Variants in BNC2 observed in about 807,000 individuals in gnomAD.
BNC2 encodes zinc finger protein basonuclin-2.
In BNC2, 20 loss-of-function variants were observed where a neutral mutation model predicts 76.3. The observed-to-expected ratio is 0.26, with a 90% confidence interval of 0.18 to 0.38. BNC2 has a LOEUF of 0.38. Among genes scored for constraint, BNC2 ranks in the 10% least tolerant of loss-of-function variants. The pLI is 1.00. For synonymous variants in BNC2, 582 were observed against 514.8 expected (o/e 1.13, Z -1.77); for missense variants, 1,382 against 1,399.8 (o/e 0.99, Z 0.20).
At chr9:16,734,373 T>C (rs1824602989) in intron 2 of BNC2, among the ~76,000 whole-genome samples, 1 of 152,246 alleles carries the variant, frequency 6.6e-6, no homozygotes, top group African/African-American at 2.4e-5. Context: ...CAAAGTGCTC[T>C]TAAGGGTCTT....
rs138380576 is a variant in BNC2 at position 16,654,673 on chromosome 9, T to C, written c.331-71588A>G. 3.7e-3 allele frequency among the ~76,000 whole-genome samples: 556 copies of C among 152,302 alleles called. 4 individuals are homozygous for C. Among genetic ancestry groups the C allele is most frequent in the African/African-American group, 0.013 (541 of 41,564 alleles). On this transcript the variant is annotated intron_variant, in intron 3 of 6. Transcript: ENST00000380672. ...GGTTGCTCAATTTGCTTTGGAACAATTTTATACTAGATCTGTTCTTTTTTA... is the reference window on the plus strand; with the variant it reads ...GGTTGCTCAATTTGCTTTGGAACAACTTTATACTAGATCTGTTCTTTTTTA...
Position 16,435,947 on chromosome 9 carries a change from A to T in BNC2, c.2247T>A (p.Ser749Arg). 1 of 1,613,848 alleles carries T rather than the reference A, an allele frequency of 6.2e-7. No individual in the cohort carries two copies. Among genetic ancestry groups the T allele is most frequent in the Non-Finnish European group, 8.5e-7 (1 of 1,179,962 alleles). Residue 749 changes from serine to arginine, a missense_variant, in exon 6 of 7, where the codon AGT (serine) becomes AGA (arginine). By Grantham distance (110) the Ser-to-Arg change is moderately radical. Coordinates refer to ENST00000380672, the MANE Select transcript of BNC2 (RefSeq NM_017637.6). ...EGDEHIHSEVSEKVLMNSERP... is the reference protein window; with the variant it reads ...EGDEHIHSEVREKVLMNSERP... ...TCTCACTATTCATCAGGACTTTTTC[A>T]CTCACTTCGCTGTGAATGTGCTCAT...
intron 5 of BNC2, among the ~76,000 whole-genome samples, chr9:16,489,423 A>C (rs1192023286): frequency 6.6e-6 from 1 of 152,226 alleles, no homozygotes; most frequent in Non-Finnish European, 1.5e-5. Context: ...TAAGAGTTTT[A>C]ACATGCAGCA....
chr9:16,486,860 G>A (rs1414659015), intron 5 of BNC2, among the ~76,000 whole-genome samples: 5 of 152,018 alleles, frequency 3.3e-5, no homozygotes, highest in Non-Finnish European at 5.9e-5. Context: ...TGAGGAGCTG[G>A]GACTACAGGC....
In BNC2 at chr9:16,645,348, C is replaced by G. The variant is rs546064301; in HGVS notation, c.331-62263G>C. ...CTTTATAAAAAATTATTATTTTCTGCCTTTTCACATGTTCTAAGACCCTTA... is the reference window on the plus strand; with the variant it reads ...CTTTATAAAAAATTATTATTTTCTGGCTTTTCACATGTTCTAAGACCCTTA... On this transcript the variant is annotated intron_variant, in intron 3 of 6. Transcript: ENST00000380672. Among the ~76,000 whole-genome samples the G allele has an allele frequency of 7.2e-5, 11 of 152,292 alleles. No homozygotes were observed. In the South Asian group the frequency reaches 2.3e-3, roughly 32 times the overall value.
chr9:16,516,218 T>C (rs1817419894), intron 5 of BNC2, among the ~76,000 whole-genome samples: 1 of 152,186 alleles, frequency 6.6e-6, no homozygotes, highest in African/African-American at 2.4e-5. Context: ...ATGCATTTTC[T>C]TTGTGTTGTT....
At chr9:16,646,483 G>C (rs1821629575) in intron 3 of BNC2, among the ~76,000 whole-genome samples, 2 of 152,116 alleles carry the variant, frequency 1.3e-5, no homozygotes, top group South Asian at 4.2e-4. Context: ...AACAAAAAAA[G>C]CCAGACACAA....
intron 1 of BNC2, among the ~76,000 whole-genome samples, chr9:16,835,775 A>G (rs561421493): frequency 6.6e-6 from 1 of 152,350 alleles, no homozygotes; most frequent in Admixed American, 6.5e-5. Flanking sequence ...CAGTTCTGGT[A>G]TCCTATTTTA....
At chr9:16,621,602 A>G (rs922427822) in intron 3 of BNC2, among the ~76,000 whole-genome samples, 3 of 152,182 alleles carry the variant, frequency 2.0e-5, no homozygotes, top group Non-Finnish European at 4.4e-5. Flanking sequence ...ATTAACCAAA[A>G]TAAGACTTTG....
intron 4 of BNC2, among the ~76,000 whole-genome samples, chr9:16,569,695 G>C (rs1819266489): frequency 6.6e-6 from 1 of 152,100 alleles, no homozygotes; most frequent in Non-Finnish European, 1.5e-5. Context: ...CCACTTTTGG[G>C]GGCATGCCTT....
At chr9:16,745,342 A>G (rs1314801392) in intron 1 of BNC2, among the ~76,000 whole-genome samples, 1 of 152,206 alleles carries the variant, frequency 6.6e-6, no homozygotes, top group East Asian at 1.9e-4. Flanking sequence ...ATTAATGACC[A>G]ACATGTAAAA....
rs34855187 is a variant in BNC2, at chr9:16,463,294, C to CTTTTTTTT, written c.670-25778_670-25771dup. 2.4e-3 allele frequency among the ~76,000 whole-genome samples: 255 copies of CTTTTTTTT among 105,594 alleles called. 23 individuals are homozygous for CTTTTTTTT. Among genetic ancestry groups the CTTTTTTTT allele is most frequent in the African/African-American group, 0.01 (241 of 23,516 alleles). The allele number at this position is 105,594 out of a possible 152,430, so 69.3% of individuals were successfully genotyped here. ...ACTGTGAGCATACAAGTATTAAATT[C>CTTTTTTTT]TTTTTTTTTTTTTTTTTTTTGAGAC... On this transcript the variant is annotated intron_variant, in intron 5 of 6. Transcript: ENST00000380672.
chr9:16,445,162 T>A (rs1821205758), intron 5 of BNC2, among the ~76,000 whole-genome samples: 1 of 152,238 alleles, frequency 6.6e-6, no homozygotes, highest in Non-Finnish European at 1.5e-5. Context: ...TTTTGATAAT[T>A]TCTGAGAAAC....
chr9:16,576,634 T>C (rs996308940), intron 4 of BNC2, among the ~76,000 whole-genome samples: 2 of 152,242 alleles, frequency 1.3e-5, no homozygotes, highest in African/African-American at 4.8e-5. Context: ...CTGCCTTGCT[T>C]GTAAGTCCTT....
Position 16,699,230 on chromosome 9 carries a change from C to A in BNC2, c.330+28567G>T, listed in dbSNP as rs191617760. The A allele has an allele frequency of 1.2e-3, 574 of 470,550 alleles. 4 individuals carry two copies. The highest frequency in any genetic ancestry group is 0.01 in the African/African-American group (520 of 50,146). The allele number at this position is 470,550 out of a possible 1,614,324, so 29.1% of individuals were successfully genotyped here. A position where few individuals can be genotyped will look rare whatever the true frequency, so the allele number is the denominator to read the frequency against. ...TGTCATCCCCACTATATGTGGCAAC[C>A]TAAATAATGCAACAAAAAAGTCCCT... On this transcript the variant is annotated intron_variant, in intron 3 of 6. Coordinates refer to ENST00000380672, the MANE Select transcript of BNC2 (RefSeq NM_017637.6).
At chr9:16,669,939 T>A (rs1291812342) in intron 3 of BNC2, among the ~76,000 whole-genome samples, 1 of 152,186 alleles carries the variant, frequency 6.6e-6, no homozygotes, top group Non-Finnish European at 1.5e-5. Context: ...ACCTTATAAT[T>A]TGTGGACCAT....
At chr9:16,850,570 T>C (rs1253294542) in intron 1 of BNC2, among the ~76,000 whole-genome samples, 1 of 152,206 alleles carries the variant, frequency 6.6e-6, no homozygotes, top group African/African-American at 2.4e-5. Flanking sequence ...ATGTTGTCTT[T>C]TTTCTAAATC....
At chr9:16,588,867 G>T (rs985275901) in intron 3 of BNC2, among the ~76,000 whole-genome samples, 2 of 152,124 alleles carry the variant, frequency 1.3e-5, no homozygotes, top group African/African-American at 4.8e-5. Context: ...ACAAATTGTT[G>T]TTTCAGTAAA....
At chr9:16,570,763 T>C (rs552920372) in intron 4 of BNC2, among the ~76,000 whole-genome samples, 5 of 152,304 alleles carry the variant, frequency 3.3e-5, no homozygotes, top group Admixed American at 3.3e-4. Context: ...GTTTGACATG[T>C]ATGAGTTATC....
Sources: allele counts gnomAD v4.1 joint callset (sites outside exome capture counted in the v4.1 genomes callset), GRCh38; gene constraint gnomAD v4.1.1; transcripts MANE v1.5; gene names NCBI Gene and HGNC (gene_info 2026-07-23, HGNC 2026-07-21).